Variants in SLAIN2 observed in about 807,000 individuals in gnomAD.
The protein encoded by SLAIN2 is SLAIN motif-containing protein 2.
In SLAIN2, 31 loss-of-function variants were observed where a neutral mutation model predicts 56.6. The ratio of observed to expected loss-of-function variants is 0.55; its 90% CI spans 0.41 to 0.74. SLAIN2 has a LOEUF of 0.74. SLAIN2 is among the 30% of genes least tolerant of loss of function. The probability of loss-of-function intolerance (pLI) is 0.00; values close to 1 mark genes in which losing one functional copy is unlikely to be tolerated. For missense variants in SLAIN2, 777 were observed against 754.2 expected, an observed-to-expected ratio of 1.03 and a Z score of -0.35; for synonymous variants, 317 against 284.9, an observed-to-expected ratio of 1.11 and a Z score of -1.13.
intron 6 of SLAIN2, among the ~76,000 whole-genome samples, chr4:48,411,318 A>G (rs530669087): frequency 5.3e-5 from 8 of 152,272 alleles, no homozygotes; most frequent in East Asian, 1.9e-4. Context: ...GATGGAAGAA[A>G]TCTGTACCAC....
chr4:48,420,812 ACTT>A (rs1440232353), intron 7 of SLAIN2, among the ~76,000 whole-genome samples: 1 of 152,288 alleles, frequency 6.6e-6, no homozygotes, highest in East Asian at 1.9e-4. Context: ...TTAAGATAAA[ACTT>A]CTAGCTACCA....
chr4:48,349,560 T>C (rs1714957984), intron 1 of SLAIN2, among the ~76,000 whole-genome samples: 1 of 152,256 alleles, frequency 6.6e-6, no homozygotes, highest in Non-Finnish European at 1.5e-5. Context: ...TCGCTCTGTT[T>C]AGTAGGATTA....
chr4:48,409,579 T>C (rs1716792862), intron 6 of SLAIN2, among the ~76,000 whole-genome samples: 1 of 152,244 alleles, frequency 6.6e-6, no homozygotes, highest in South Asian at 2.1e-4. Flanking sequence ...TTTCCACTTT[T>C]TGCCTATTGT....
chr4:48,375,569 ATTT>A (rs966667580), intron 2 of SLAIN2, among the ~76,000 whole-genome samples: 2 of 151,272 alleles, frequency 1.3e-5, no homozygotes, highest in African/African-American at 4.9e-5. Flanking sequence ...GATTTCTGTC[ATTT>A]TTTCTCCTTA....
chr4:48,408,690 G>T (rs1216929767), intron 6 of SLAIN2, among the ~76,000 whole-genome samples: 1 of 151,928 alleles, frequency 6.6e-6, no homozygotes, highest in Non-Finnish European at 1.5e-5. Context: ...ACGTTTTTAA[G>T]TTAAAGCTTA....
intron 1 of SLAIN2, among the ~76,000 whole-genome samples, chr4:48,364,972 T>C (rs1295657774): frequency 2.0e-5 from 3 of 152,080 alleles, no homozygotes; most frequent in Non-Finnish European, 2.9e-5. Flanking sequence ...TTCTTGAGTT[T>C]TTAGAGTTTT....
At chr4:48,391,663 A>G (rs1352433) in intron 6 of SLAIN2, among the ~76,000 whole-genome samples, 63,661 of 152,010 alleles carry the variant, frequency 0.42, 13,903 homozygotes, top group African/African-American at 0.53. Context: ...AGGATTAACT[A>G]TAGGGAGACC....
chr4:48,415,337 T>G (rs1215555655), intron 6 of SLAIN2, among the ~76,000 whole-genome samples: 1 of 63,540 alleles, frequency 1.6e-5, no homozygotes, highest in Non-Finnish European at 3.6e-5. Flanking sequence ...TCATGTGTTT[T>G]TTGGCTGCAT....
intron 6 of SLAIN2, among the ~76,000 whole-genome samples, chr4:48,410,153 A>G (rs1422343788): frequency 6.6e-6 from 1 of 152,122 alleles, no homozygotes; most frequent in African/African-American, 2.4e-5. Context: ...AGTGTTGTAA[A>G]GTGGAATCTC....
chr4:48,349,925 A>G (rs1432497885), intron 1 of SLAIN2, among the ~76,000 whole-genome samples: 1 of 152,174 alleles, frequency 6.6e-6, no homozygotes, highest in Non-Finnish European at 1.5e-5. Flanking sequence ...CTTATGATCT[A>G]TTATTCTTGT....
At chr4:48,360,756 C>T (rs924686974) in intron 1 of SLAIN2, among the ~76,000 whole-genome samples, 4 of 152,144 alleles carry the variant, frequency 2.6e-5, no homozygotes, top group Admixed American at 2.6e-4. Flanking sequence ...CATTAGTAGT[C>T]ATTTCCCATT....
intron 6 of SLAIN2, among the ~76,000 whole-genome samples, chr4:48,396,982 C>A (rs1716409237): frequency 1.3e-5 from 2 of 152,194 alleles, no homozygotes; most frequent in African/African-American, 2.4e-5. Flanking sequence ...TTTCTTTTTG[C>A]AAGTTTTTTG....
At chr4:48,401,697 G>C (rs1716561361) in intron 6 of SLAIN2, among the ~76,000 whole-genome samples, 1 of 151,818 alleles carries the variant, frequency 6.6e-6, no homozygotes, top group South Asian at 2.1e-4. Context: ...GTCGCTTGAA[G>C]ACAGCATGGG....
intron 1 of SLAIN2, among the ~76,000 whole-genome samples, chr4:48,363,729 G>T (rs1274467671): frequency 1.8e-5 from 2 of 113,878 alleles, no homozygotes; most frequent in African/African-American, 5.9e-5. Flanking sequence ...AGACGGGGCG[G>T]CTGGCCAGGC....
At position 48,376,483 on chromosome 4, in the gene SLAIN2, G is replaced by C. The variant is rs566067918; in HGVS notation, c.539-1413G>C. On this transcript the variant is annotated intron_variant, in intron 2 of 7. Coordinates refer to ENST00000264313, the MANE Select transcript of SLAIN2 (RefSeq NM_020846.2). ...AAAAAAAAAAAAAAAAAGATTGAAG[G>C]AAGAAATAGTATTTTAAGTGTTAAT... Among the ~76,000 whole-genome samples, 5 of 150,838 alleles carry C rather than the reference G, an allele frequency of 3.3e-5. No individual in the cohort carries two copies. The East Asian group carries it at 9.7e-4, about 29-fold the overall frequency.
intron 1 of SLAIN2, among the ~76,000 whole-genome samples, chr4:48,342,900 T>A (rs1263552559): frequency 1.3e-5 from 2 of 152,026 alleles, no homozygotes; most frequent in Non-Finnish European, 2.9e-5. Context: ...ATTTAAAAAT[T>A]TAAACCAAAG....
chr4:48,413,261 A>C (rs1716912991), intron 6 of SLAIN2, among the ~76,000 whole-genome samples: 1 of 151,866 alleles, frequency 6.6e-6, no homozygotes, highest in Admixed American at 6.6e-5. Flanking sequence ...ATGACAGTAG[A>C]GATGTTTCTC....
intron 2 of SLAIN2, among the ~76,000 whole-genome samples, 153 bp downstream of exon 2, chr4:48,370,150 A>G (rs1203290376): frequency 2.0e-5 from 3 of 152,192 alleles, no homozygotes; most frequent in Non-Finnish European, 4.4e-5. Flanking sequence ...CCATGTTCAC[A>G]TAACCCTGTT....
chr4:48,395,879 A>G (rs1307514223), intron 6 of SLAIN2, among the ~76,000 whole-genome samples: 1 of 136,192 alleles, frequency 7.3e-6, no homozygotes, highest in Non-Finnish European at 1.5e-5. Flanking sequence ...TAGGAGGCAT[A>G]TAAAAACATG....
Sources: gnomAD v4.1 joint callset for allele counts (sites outside exome capture counted in the v4.1 genomes callset) on GRCh38, gnomAD v4.1.1 for gene constraint, MANE v1.5 for transcripts, NCBI Gene and HGNC (gene_info 2026-07-23, HGNC 2026-07-21) for gene names.